GALNT17: variants seen among roughly 807,000 people sequenced by gnomAD.
GALNT17 encodes polypeptide N-acetylgalactosaminyltransferase 17.
Under a neutral mutation model 63.7 loss-of-function variants are expected in GALNT17, and 29 were observed. That is an observed-to-expected ratio of 0.46 (90% confidence interval 0.34 to 0.62). The LOEUF is 0.62. Among genes scored for constraint, GALNT17 ranks in the 20% least tolerant of loss-of-function variants. GALNT17 has a pLI of 0.01. For missense variants in GALNT17, 603 were observed against 799.6 expected (o/e 0.75, Z 2.97); for synonymous variants, 305 against 318.3 (o/e 0.96, Z 0.45).
intron 5 of GALNT17, among the ~76,000 whole-genome samples, chr7:71,550,533 A>C (rs1412079876): frequency 6.6e-6 from 1 of 152,100 alleles, no homozygotes; most frequent in Non-Finnish European, 1.5e-5. Context: ...GGCCTGTGCC[A>C]CTATGCCCAG....
At chr7:71,698,137 A>G (rs956089316) in intron 9 of GALNT17, among the ~76,000 whole-genome samples, 13 of 151,332 alleles carry the variant, frequency 8.6e-5, no homozygotes, top group Admixed American at 1.3e-4. Flanking sequence ...AAAAAAAAAA[A>G]AAAAGAAAAG....
chr7:71,620,470 C>T (rs1297192650), intron 6 of GALNT17, among the ~76,000 whole-genome samples: 1 of 152,106 alleles, frequency 6.6e-6, no homozygotes, highest in Non-Finnish European at 1.5e-5. Context: ...GAGCAAGACC[C>T]TGTTTCTAAT....
At chr7:71,624,468 G>A (rs1042067633) in intron 6 of GALNT17, among the ~76,000 whole-genome samples, 1 of 152,040 alleles carries the variant, frequency 6.6e-6, no homozygotes, top group African/African-American at 2.4e-5. Flanking sequence ...AATTAAACCT[G>A]GCCTTATACC....
rs1024252321 is a variant in GALNT17 at position 71,322,849 on chromosome 7, A to G, written c.239-12701A>G. On this transcript the variant is annotated intron_variant, in intron 1 of 10. Coordinates refer to ENST00000333538, the MANE Select transcript of GALNT17 (RefSeq NM_022479.3). ...GGAAGAGAGCCCTCACCAAGAACCA[A>G]ATCTGCGTTTACCTTAATCTTGGAC... Among the ~76,000 whole-genome samples the G allele has an allele frequency of 3.3e-5, 5 of 152,210 alleles. No homozygotes were observed. The South Asian group carries it at 6.2e-4, about 19-fold the overall frequency.
At chr7:71,616,834 ATT>A (rs1205231548) in intron 6 of GALNT17, among the ~76,000 whole-genome samples, 1 of 141,368 alleles carries the variant, frequency 7.1e-6, no homozygotes, top group Non-Finnish European at 1.5e-5. Context: ...CATATTATAT[ATT>A]ATAATTATGT....
chr7:71,274,470 G>A (rs1013871940), intron 1 of GALNT17, among the ~76,000 whole-genome samples: 10 of 152,060 alleles, frequency 6.6e-5, no homozygotes, highest in African/African-American at 2.4e-4. Flanking sequence ...TGTAGAGGCA[G>A]GATCTTGCTA....
intron 2 of GALNT17, among the ~76,000 whole-genome samples, chr7:71,381,581 C>G (rs1792848266): frequency 6.6e-6 from 1 of 152,018 alleles, no homozygotes; most frequent in Non-Finnish European, 1.5e-5. Context: ...GAGTTCGAGA[C>G]CAGCCTGGCT....
In GALNT17 at chr7:71,259,638, G is replaced by GTTTTTTTTTTTTTTTT. The variant is rs1219751607; in HGVS notation, c.239-75905_239-75904insTTTTTTTTTTTTTTTT. On this transcript the variant is annotated intron_variant, in intron 1 of 10. Transcript: ENST00000333538. The stretch of plus-strand genomic sequence containing the variant: ...AGATCTTGGTCCTGTTTTGTTTTTT[G>GTTTTTTTTTTTTTTTT]TTTTTTTGTTTTTTTTTTTTTGAGA... Among the ~76,000 whole-genome samples, 92 of 137,968 alleles carry GTTTTTTTTTTTTTTTT rather than the reference G, an allele frequency of 6.7e-4. 1 individual carries two copies. The highest frequency in any genetic ancestry group is 1.3e-3 in the East Asian group (6 of 4,590). The allele number at this position is 137,968 out of a possible 152,430, so 90.5% of individuals were successfully genotyped here. A position where few individuals can be genotyped will look rare whatever the true frequency, so the allele number is the denominator to read the frequency against.
rs184705541 is a variant in GALNT17 at position 71,479,803 on chromosome 7, A to G, written c.962+58698A>G. Among the ~76,000 whole-genome samples, 21 of 152,270 alleles carry G rather than the reference A, an allele frequency of 1.4e-4. No homozygotes were observed. In the East Asian group the frequency reaches 2.9e-3, roughly 21 times the overall value. ...AAGATGGAGCTGATATTCTCAGGCA[A>G]TGGGTCCACTTTGGGGCCACTCCAG... On this transcript the variant is annotated intron_variant, in intron 5 of 10. Transcript: ENST00000333538.
At chr7:71,630,536 G>A (rs895001774) in intron 6 of GALNT17, among the ~76,000 whole-genome samples, 7 of 152,112 alleles carry the variant, frequency 4.6e-5, no homozygotes, top group Admixed American at 3.3e-4. Flanking sequence ...ACTCAGAACC[G>A]GAATTTCATT....
chr7:71,567,214 T>C (rs1584055902), intron 5 of GALNT17, among the ~76,000 whole-genome samples: 1 of 152,142 alleles, frequency 6.6e-6, no homozygotes, highest in Non-Finnish European at 1.5e-5. Context: ...CGCCAAGAGC[T>C]GGGAGGAAAT....
chr7:71,199,597 A>G (rs569935008), intron 1 of GALNT17, among the ~76,000 whole-genome samples: 1 of 144,410 alleles, frequency 6.9e-6, no homozygotes, highest in African/African-American at 2.6e-5. Flanking sequence ...TAATCCATTC[A>G]TCTGCTCACC....
intron 5 of GALNT17, among the ~76,000 whole-genome samples, chr7:71,428,430 G>A (rs1452243900): frequency 1.3e-5 from 2 of 151,784 alleles, no homozygotes; most frequent in Non-Finnish European, 2.9e-5. Context: ...TGCTTTTCTT[G>A]GTGGACATCC....
At chr7:71,521,543 T>C (rs191398907) in intron 5 of GALNT17, among the ~76,000 whole-genome samples, 244 of 152,342 alleles carry the variant, frequency 1.6e-3, no homozygotes, top group African/African-American at 5.5e-3. Context: ...TGGCAGCCTT[T>C]CTGCCTCCTG....
At chr7:71,232,331 C>G (rs1789805513) in intron 1 of GALNT17, among the ~76,000 whole-genome samples, 1 of 152,110 alleles carries the variant, frequency 6.6e-6, no homozygotes, top group South Asian at 2.1e-4. Context: ...AGATTGAACA[C>G]CTTTTGGGAG....
chr7:71,174,485 C>G (rs1788601225), intron 1 of GALNT17, among the ~76,000 whole-genome samples: 1 of 152,154 alleles, frequency 6.6e-6, no homozygotes, highest in Admixed American at 6.6e-5. Context: ...ACTAAACAGG[C>G]TTTGTGTGAG....
chr7:71,267,881 C>CCCCA (rs1790519941), intron 1 of GALNT17, among the ~76,000 whole-genome samples: 1 of 139,790 alleles, frequency 7.2e-6, no homozygotes, highest in Admixed American at 7.4e-5. Context: ...TCCCAGCAGG[C>CCCCA]CCCAGTGTGT....
intron 5 of GALNT17, among the ~76,000 whole-genome samples, chr7:71,450,928 A>ATT: frequency 2.0e-5 from 1 of 49,722 alleles, no homozygotes; most frequent in Non-Finnish European, 3.8e-5. Flanking sequence ...TCTTTTTTTT[A>ATT]TTCTTTTTTT....
chr7:71,361,831 G>A (rs1230909824), intron 2 of GALNT17, among the ~76,000 whole-genome samples: 1 of 152,136 alleles, frequency 6.6e-6, no homozygotes, highest in African/African-American at 2.4e-5. Flanking sequence ...AGAGTGGGCA[G>A]GCAGGAAGAT....
Sources: allele counts gnomAD v4.1 joint callset (sites outside exome capture counted in the v4.1 genomes callset), GRCh38; gene constraint gnomAD v4.1.1; transcripts MANE v1.5; gene names NCBI Gene and HGNC (gene_info 2026-07-23, HGNC 2026-07-21).